EXOC6: variants seen among roughly 807,000 people sequenced by gnomAD.
The protein encoded by EXOC6 is exocyst complex component 6.
EXOC6 carries 60 observed loss-of-function variants against 112.5 expected under a neutral mutation model. The observed-to-expected ratio is 0.53, with a 90% CI of 0.43 to 0.66. EXOC6 has a LOEUF of 0.66. Ranked by LOEUF, EXOC6 falls within the 30% of genes least tolerant of loss-of-function variation. The pLI is 0.00. For missense variants in EXOC6, 855 were observed against 957.1 expected, an observed-to-expected ratio of 0.89 and a Z score of 1.41; for synonymous variants, 295 against 308.0, an observed-to-expected ratio of 0.96 and a Z score of 0.44.
chr10:93,024,908 CTT>C (rs1277966250), intron 20 of EXOC6, among the ~76,000 whole-genome samples: 1 of 152,050 alleles, frequency 6.6e-6, no homozygotes, highest in Non-Finnish European at 1.5e-5. Context: ...TTTCTTTTCT[CTT>C]TTTTTCCTGG....
At chr10:92,896,819 GT>G (rs1420906462) in intron 4 of EXOC6, among the ~76,000 whole-genome samples, 4 of 152,142 alleles carry the variant, frequency 2.6e-5, no homozygotes, top group Admixed American at 2.6e-4. Flanking sequence ...GCTTCCTAAA[GT>G]GCTGGGATTA....
upstream of EXOC6, chr10:92,831,428 A>T (rs1846475650): frequency 3.6e-6 from 3 of 826,206 alleles, no homozygotes; most frequent in Non-Finnish European, 3.3e-6. Context: ...ACTATATTCT[A>T]TTTTTTTTTT....
At chr10:92,987,583 A>G in intron 18 of EXOC6, 1 of 981,814 alleles carries the variant, frequency 1.0e-6, no homozygotes, top group Non-Finnish European at 1.2e-6. Context: ...TTCCTTTTTT[A>G]TTTGATTGCC....
chr10:92,861,027 T>C (rs929005446), intron 1 of EXOC6, among the ~76,000 whole-genome samples: 3 of 152,212 alleles, frequency 2.0e-5, no homozygotes, highest in Non-Finnish European at 4.4e-5. Flanking sequence ...CCTGGTTCTC[T>C]TGGGTAAACT....
At position 92,896,143 on chromosome 10, in the gene EXOC6, A is replaced by ATG. The variant is rs1215853853; in HGVS notation, c.412+1127_412+1128dup. The stretch of plus-strand genomic sequence containing the variant: ...TATGTGTGTGTGTGTGTGTGTATGT[A>ATG]TGTGTATATATATATATATATATAT... On this transcript the variant is annotated intron_variant, in intron 4 of 21. Coordinates refer to ENST00000260762, the MANE Select transcript of EXOC6 (RefSeq NM_019053.6). 1.0e-3 allele frequency among the ~76,000 whole-genome samples: 27 copies of ATG among 26,052 alleles called. 4 individuals carry two copies. The highest frequency in any genetic ancestry group is 2.2e-3 in the Admixed American group (3 of 1,346). The allele number at this position is 26,052 out of a possible 152,430, so 17.1% of individuals were successfully genotyped here. A position where few individuals can be genotyped will look rare whatever the true frequency, so the allele number is the denominator to read the frequency against.
Position 92,864,195 on chromosome 10 carries a change from G to A in EXOC6, c.101+15561G>A, listed in dbSNP as rs531658691. 5.5e-4 allele frequency among the ~76,000 whole-genome samples: 83 copies of A among 152,272 alleles called. No individual in the cohort carries two copies. The Middle Eastern group carries it at 0.01, about 19-fold the overall frequency. ...GTTATATAGGCGGATTACACAGAAG[G>A]TAAAGAGTAACCTTTCGTATTGTAG... On this transcript the variant is annotated intron_variant, in intron 1 of 21. Transcript: ENST00000260762.
At chr10:93,026,344 G>C (rs1845023405) in intron 20 of EXOC6, among the ~76,000 whole-genome samples, 1 of 152,144 alleles carries the variant, frequency 6.6e-6, no homozygotes, top group South Asian at 2.1e-4. Flanking sequence ...TTATACTTCA[G>C]CCATCAGTGT....
At chr10:92,854,682 G>A (rs1451350629) in intron 1 of EXOC6, among the ~76,000 whole-genome samples, 2 of 152,148 alleles carry the variant, frequency 1.3e-5, no homozygotes, top group African/African-American at 2.4e-5. Flanking sequence ...AACCAACTTT[G>A]TATTCATGGG....
At chr10:93,005,316 C>G (rs1439182101) in intron 19 of EXOC6, among the ~76,000 whole-genome samples, 1 of 152,062 alleles carries the variant, frequency 6.6e-6, no homozygotes, top group Non-Finnish European at 1.5e-5. Flanking sequence ...AAATAGCTCC[C>G]TCTGAAAGCT....
At chr10:93,012,444 G>A (rs1844292485) in intron 19 of EXOC6, among the ~76,000 whole-genome samples, 3 of 152,096 alleles carry the variant, frequency 2.0e-5, no homozygotes, top group Non-Finnish European at 1.5e-5. Context: ...ATTCTTAATG[G>A]TGACCCAGAG....
chr10:93,031,107 G>A (rs1845250315), intron 20 of EXOC6, among the ~76,000 whole-genome samples: 1 of 152,122 alleles, frequency 6.6e-6, no homozygotes, highest in South Asian at 2.1e-4. Flanking sequence ...AGAGAAGGAG[G>A]TAGAGGAACA....
intron 9 of EXOC6, 91 bp downstream of exon 9, chr10:92,928,513 T>A (rs912898449): frequency 4.1e-6 from 3 of 735,970 alleles, no homozygotes; most frequent in Non-Finnish European, 4.5e-6. Flanking sequence ...CACTGTTCAT[T>A]CAACTACAAA....
At chr10:93,015,206 A>G (rs1844445403) in intron 20 of EXOC6, among the ~76,000 whole-genome samples, 1 of 152,204 alleles carries the variant, frequency 6.6e-6, no homozygotes, top group Admixed American at 6.5e-5. Flanking sequence ...AGACTCTACC[A>G]CAGTGATGTT....
chr10:92,941,536 A>G (rs1009880339), intron 13 of EXOC6, among the ~76,000 whole-genome samples: 21 of 152,186 alleles, frequency 1.4e-4, no homozygotes, highest in Non-Finnish European at 2.6e-4. Context: ...AACATTTATA[A>G]TCAGTTTTTA....
intron 20 of EXOC6, among the ~76,000 whole-genome samples, chr10:93,043,062 A>C (rs1590098134): frequency 6.6e-6 from 1 of 151,920 alleles, no homozygotes; most frequent in East Asian, 1.9e-4. Flanking sequence ...CAGCCTCCTG[A>C]GTAGCTGGGA....
chr10:92,866,545 C>T (rs571420333), intron 1 of EXOC6, among the ~76,000 whole-genome samples: 2 of 151,976 alleles, frequency 1.3e-5, no homozygotes, highest in East Asian at 3.9e-4. Context: ...GTTTTGTTAC[C>T]TAAAAATGTT....
At chr10:92,914,412 T>A (rs553008774) in intron 6 of EXOC6, among the ~76,000 whole-genome samples, 1 of 152,286 alleles carries the variant, frequency 6.6e-6, no homozygotes, top group East Asian at 1.9e-4. Flanking sequence ...GAATTGTAAA[T>A]CTCCTAGGAG....
chr10:92,878,909 C>G (rs958915218), intron 1 of EXOC6, among the ~76,000 whole-genome samples: 1 of 152,114 alleles, frequency 6.6e-6, no homozygotes, highest in Non-Finnish European at 1.5e-5. Context: ...CCAAAGAAAT[C>G]AACAAACTGA....
chr10:92,886,798 G>A (rs919580671), intron 1 of EXOC6, among the ~76,000 whole-genome samples: 4 of 152,102 alleles, frequency 2.6e-5, no homozygotes, highest in African/African-American at 9.7e-5. Flanking sequence ...AAGAGAGTTG[G>A]GACAGCCTGA....
Sources: allele counts gnomAD v4.1 joint callset (sites outside exome capture counted in the v4.1 genomes callset), GRCh38; gene constraint gnomAD v4.1.1; transcripts MANE v1.5; gene names NCBI Gene and HGNC (gene_info 2026-07-23, HGNC 2026-07-21).